The following VDAC1 variants were observed in gnomAD, a reference collection of about 807,000 sequenced individuals.
VDAC1 encodes non-selective voltage-gated ion channel VDAC1.
A neutral mutation model predicts 34.7 loss-of-function variants in VDAC1; 10 were observed. That is an observed-to-expected ratio of 0.29 (90% CI 0.18 to 0.49). The LOEUF (loss-of-function observed/expected upper bound fraction) is 0.49. Among genes scored for constraint, VDAC1 ranks in the 20% least tolerant of loss-of-function variants. VDAC1 has a pLI of 0.99. For synonymous variants in VDAC1, 130 were observed against 136.0 expected (o/e 0.96, Z 0.30); for missense variants, 230 against 347.9 (o/e 0.66, Z 2.69).
chr5:133,975,894 T>C lies in VDAC1; in HGVS notation c.679A>G (p.Ile227Val), dbSNP rs1300590581. 3.1e-6 allele frequency: 5 copies of C among 1,611,770 alleles called. No homozygotes were observed. The highest frequency in any genetic ancestry group is 1.3e-5 in the African/African-American group (1 of 74,680). The change falls in exon 7 of 9, where the codon ATT becomes GTT. Residue 227 changes from isoleucine to valine, a missense_variant. Transcript: ENST00000265333. ...TRFGIAAKYQIDPDACFSAKV... is the reference protein window; with the variant it reads ...TRFGIAAKYQVDPDACFSAKV... ...ACCGAGAAGCAGGCGTCAGGGTCAATCTGATACTTGGCTGCTATTCCGAAG... is the reference window on the plus strand; with the variant it reads ...ACCGAGAAGCAGGCGTCAGGGTCAACCTGATACTTGGCTGCTATTCCGAAG...
chr5:134,006,737 TC>T (rs60521440), upstream of VDAC1, among the ~76,000 whole-genome samples: 541 of 40,990 alleles, frequency 0.013, 11 homozygotes, highest in African/African-American at 0.038. Context: ...AGTGACATTG[TC>T]CCCCCCCCCC....
At chr5:134,055,340 G>A in the VDAC1 span, among the ~76,000 whole-genome samples, 11 of 152,290 alleles carry the variant, frequency 7.2e-5, no homozygotes, top group South Asian at 2.1e-4. Context: ...AGATTTCCCC[G>A]TGTCTCAGGC....
At chr5:134,071,657 G>T in the VDAC1 span, among the ~76,000 whole-genome samples, 13 of 152,226 alleles carry the variant, frequency 8.5e-5, no homozygotes, top group African/African-American at 2.9e-4. This position sits in a 1 kb window ranked among gnomAD's most constrained non-coding sequence, Gnocchi z 4.1. Context: ...TGTCTTGAAA[G>T]AAATGAGAAG....
At chr5:134,061,988 G>GT in the VDAC1 span, among the ~76,000 whole-genome samples, 6 of 150,896 alleles carry the variant, frequency 4.0e-5, no homozygotes, top group Admixed American at 6.6e-5. Context: ...TTTTGGTTTT[G>GT]TTTTTTTTGA....
At chr5:134,086,005 C>A in the VDAC1 span, among the ~76,000 whole-genome samples, 1 of 152,070 alleles carries the variant, frequency 6.6e-6, no homozygotes, top group Non-Finnish European at 1.5e-5. Flanking sequence ...CCACCCTGGA[C>A]AATATGGTGA....
chr5:134,110,770 T>C, the VDAC1 span, among the ~76,000 whole-genome samples: 3 of 152,250 alleles, frequency 2.0e-5, no homozygotes, highest in East Asian at 5.8e-4. Flanking sequence ...TTGAGACGTT[T>C]TCTGGAAATG....
chr5:134,020,655 TGTTTG>T, the VDAC1 span, among the ~76,000 whole-genome samples: 1 of 16,546 alleles, frequency 6.0e-5, no homozygotes, highest in African/African-American at 3.7e-4. Flanking sequence ...GCTTCTTTTT[TGTTTG>T]TTTGTTTGTT....
chr5:134,039,395 C>G, the VDAC1 span, among the ~76,000 whole-genome samples: 2 of 152,198 alleles, frequency 1.3e-5, no homozygotes. Flanking sequence ...GTGGCGCAAT[C>G]TCGGCTCACT....
At chr5:133,978,548 G>C (rs554287582) in intron 6 of VDAC1, among the ~76,000 whole-genome samples, 1 of 152,302 alleles carries the variant, frequency 6.6e-6, no homozygotes, top group Admixed American at 6.5e-5. Context: ...GACAGCCCAA[G>C]TATGCTACAA....
intron 5 of VDAC1, among the ~76,000 whole-genome samples, chr5:133,989,912 TCA>T (rs1753040403): frequency 6.6e-6 from 1 of 152,258 alleles, no homozygotes; most frequent in South Asian, 2.1e-4. Context: ...TTTGCCTGCC[TCA>T]GCCTCCCAAA....
the VDAC1 span, among the ~76,000 whole-genome samples, chr5:134,065,616 T>C: frequency 1.3e-5 from 2 of 151,968 alleles, no homozygotes; most frequent in East Asian, 1.9e-4. Context: ...GCTGGAATTA[T>C]AGACATGAGC....
chr5:134,058,242 G>T, the VDAC1 span, among the ~76,000 whole-genome samples: 1 of 152,066 alleles, frequency 6.6e-6, no homozygotes, highest in Non-Finnish European at 1.5e-5. Context: ...ATGATAAAAA[G>T]GCTGAGTGAG....
chr5:134,044,281 C>T, the VDAC1 span, among the ~76,000 whole-genome samples: 1 of 152,224 alleles, frequency 6.6e-6, no homozygotes, highest in Non-Finnish European at 1.5e-5. Context: ...TCTGTGCTCC[C>T]AGCTCTTTCC....
At chr5:134,034,251 G>T in the VDAC1 span, among the ~76,000 whole-genome samples, 2 of 152,134 alleles carry the variant, frequency 1.3e-5, no homozygotes, top group Non-Finnish European at 2.9e-5. Flanking sequence ...ATATCGGCTA[G>T]CAATTTGAAG....
the VDAC1 span, among the ~76,000 whole-genome samples, chr5:134,105,186 C>A: frequency 1.3e-5 from 2 of 152,202 alleles, no homozygotes; most frequent in East Asian, 3.8e-4. Flanking sequence ...CAGGCTCTGT[C>A]CCCCTGCTGG....
At chr5:133,989,099 C>G (rs989936179) in intron 5 of VDAC1, 2 of 152,186 alleles carry the variant, frequency 1.3e-5, no homozygotes, top group Non-Finnish European at 2.9e-5. Flanking sequence ...AAATCAGCCC[C>G]GTAACAATGG....
chr5:134,099,951 T>A, the VDAC1 span, among the ~76,000 whole-genome samples: 1 of 152,116 alleles, frequency 6.6e-6, no homozygotes, highest in African/African-American at 2.4e-5. Context: ...TGGGAAGGGG[T>A]CCATCCCACA....
upstream of VDAC1, among the ~76,000 whole-genome samples, chr5:134,006,976 G>T (rs901163903): frequency 1.2e-4 from 18 of 151,898 alleles, no homozygotes; most frequent in African/African-American, 4.4e-4. Context: ...CCGTGCAGTG[G>T]CTCACTCCTG....
chr5:133,995,963 C>T (rs1330573190), intron 1 of VDAC1, among the ~76,000 whole-genome samples: 2 of 152,064 alleles, frequency 1.3e-5, no homozygotes, highest in East Asian at 1.9e-4. Flanking sequence ...TGCTCCAAAT[C>T]GGAGCCTGTA....
Sources: allele counts gnomAD v4.1 joint callset (sites outside exome capture counted in the v4.1 genomes callset), GRCh38; gene constraint gnomAD v4.1.1; non-coding constraint Gnocchi (gnomAD v3.1); transcripts MANE v1.5; gene names NCBI Gene and HGNC (gene_info 2026-07-23, HGNC 2026-07-21).